The following EXOC4 variants were observed in gnomAD, a reference collection of about 807,000 sequenced individuals.
EXOC4 encodes SEC8-like 1.
EXOC4 carries 71 observed loss-of-function variants against 107.2 expected under a neutral mutation model. The ratio of observed to expected loss-of-function variants is 0.66; its 90% CI spans 0.55 to 0.81. The LOEUF (loss-of-function observed/expected upper bound fraction) is 0.81. Among genes scored for constraint, EXOC4 ranks in the 30% least tolerant of loss-of-function variants. The pLI is 0.00. For synonymous variants in EXOC4, 456 were observed against 441.2 expected (o/e 1.03, Z -0.42); for missense variants, 1,108 against 1,189.6 (o/e 0.93, Z 1.01).
chr7:133,253,214 G>A, intron 1 of EXOC4, 27 bp downstream of exon 1: 1 of 1,608,300 alleles, frequency 6.2e-7, no homozygotes, highest in South Asian at 1.1e-5. Flanking sequence ...GCAGGGTCTG[G>A]GGACTGGGGG....
chr7:133,986,712 G>T (rs1252857990), intron 14 of EXOC4, among the ~76,000 whole-genome samples: 1 of 152,294 alleles, frequency 6.6e-6, no homozygotes, highest in South Asian at 2.1e-4. Context: ...AAGCACTGGG[G>T]TAAGGAAAGA....
chr7:133,801,179 G>C (rs1796933762), intron 10 of EXOC4, among the ~76,000 whole-genome samples: 1 of 152,012 alleles, frequency 6.6e-6, no homozygotes, highest in South Asian at 2.1e-4. Flanking sequence ...GTAGTCTAAG[G>C]GTAGGCAAAA....
chr7:133,802,830 G>A (rs1340292669), intron 10 of EXOC4, among the ~76,000 whole-genome samples: 1 of 128,528 alleles, frequency 7.8e-6, no homozygotes, highest in Non-Finnish European at 1.6e-5. Flanking sequence ...CCTGGGCGAC[G>A]AGCGAAACTC....
rs35334259 is a variant in EXOC4 at position 133,412,278 on chromosome 7, G to GTTTTTTTTTTTTTTTTTTTTTTTT, written c.1182+37299_1182+37300insTTTTTTTTTTTTTTTTTTTTTTTT. 1.4e-4 allele frequency among the ~76,000 whole-genome samples: 10 copies of GTTTTTTTTTTTTTTTTTTTTTTTT among 71,482 alleles called. 1 individual carries two copies. Among genetic ancestry groups the GTTTTTTTTTTTTTTTTTTTTTTTT allele is most frequent in the Non-Finnish European group, 1.7e-4 (7 of 41,024 alleles). The allele number at this position is 71,482 out of a possible 152,430, so 46.9% of individuals were successfully genotyped here. A position where few individuals can be genotyped will look rare whatever the true frequency, so the allele number is the denominator to read the frequency against. On this transcript the variant is annotated intron_variant, in intron 7 of 17. Transcript: ENST00000253861. ...ATCTGGTCAATACTGTCAGAATTCA[G>GTTTTTTTTTTTTTTTTTTTTTTTT]TTTTTTTTTTTTTTTTTTTTTTTGC...
At chr7:133,395,613 T>C (rs930696198) in intron 7 of EXOC4, among the ~76,000 whole-genome samples, 6 of 152,162 alleles carry the variant, frequency 3.9e-5, no homozygotes, top group Admixed American at 3.3e-4. Context: ...AGGCCCTATG[T>C]GATTCTGGAG....
intron 11 of EXOC4, among the ~76,000 whole-genome samples, chr7:133,876,062 A>G (rs777466434): frequency 2.6e-5 from 4 of 152,212 alleles, no homozygotes; most frequent in Admixed American, 6.5e-5. Flanking sequence ...ATTCACAGAT[A>G]GGTAGGTAGG....
chr7:134,057,856 A>G (rs1037468686), intron 17 of EXOC4, among the ~76,000 whole-genome samples: 1 of 152,234 alleles, frequency 6.6e-6, no homozygotes, highest in Non-Finnish European at 1.5e-5. Context: ...TGTTTTGGAC[A>G]TGAGAAATAG....
At chr7:133,569,414 A>G (rs968799920) in intron 9 of EXOC4, among the ~76,000 whole-genome samples, 1 of 152,326 alleles carries the variant, frequency 6.6e-6, no homozygotes, top group Admixed American at 6.5e-5. Flanking sequence ...GTAAGATAAA[A>G]TGTGTAAGTT....
chr7:133,921,857 T>G (rs532244550), intron 13 of EXOC4, among the ~76,000 whole-genome samples: 13 of 152,298 alleles, frequency 8.5e-5, no homozygotes, highest in African/African-American at 2.9e-4. Context: ...TTATAGTTCT[T>G]GGATTGTATG....
the EXOC4 span, among the ~76,000 whole-genome samples, chr7:134,094,422 A>G: frequency 6.6e-6 from 1 of 152,178 alleles, no homozygotes; most frequent in African/African-American, 2.4e-5. Context: ...CAGTAATTTA[A>G]AAACCTACAA....
intron 10 of EXOC4, among the ~76,000 whole-genome samples, chr7:133,675,661 C>T (rs1173232806): frequency 6.6e-6 from 1 of 152,126 alleles, no homozygotes; most frequent in East Asian, 1.9e-4. Flanking sequence ...TGATTTAGAG[C>T]AGACTACATA....
chr7:133,768,108 C>T (rs1366965791), intron 10 of EXOC4: 1 of 151,898 alleles, frequency 6.6e-6, no homozygotes, highest in Non-Finnish European at 1.5e-5. Context: ...ACAAAAACCT[C>T]TGCAAGACTA....
At chr7:133,427,732 G>A (rs1487101442) in intron 7 of EXOC4, among the ~76,000 whole-genome samples, 1 of 152,196 alleles carries the variant, frequency 6.6e-6, no homozygotes, top group Non-Finnish European at 1.5e-5. Context: ...TGCCGTGGTA[G>A]AGATGAGGCT....
At chr7:133,797,747 A>G (rs1796847517) in intron 10 of EXOC4, among the ~76,000 whole-genome samples, 1 of 152,178 alleles carries the variant, frequency 6.6e-6, no homozygotes, top group South Asian at 2.1e-4. Flanking sequence ...CCTGGAGTTT[A>G]TGCAAAGAGC....
At chr7:133,326,620 T>C (rs1795248653) in intron 5 of EXOC4, among the ~76,000 whole-genome samples, 1 of 152,196 alleles carries the variant, frequency 6.6e-6, no homozygotes, top group Admixed American at 6.5e-5. Context: ...CTGCCCCTAC[T>C]GGATGGTGCC....
At position 133,783,300 on chromosome 7, in the gene EXOC4, G is replaced by A. The variant is rs562505315; in HGVS notation, c.1515-34025G>A. Among the ~76,000 whole-genome samples the A allele has an allele frequency of 3.2e-3, 485 of 152,230 alleles. 2 individuals carry two copies. Among genetic ancestry groups the A allele is most frequent in the Non-Finnish European group, 5.4e-3 (366 of 68,022 alleles). On this transcript the variant is annotated intron_variant, in intron 10 of 17. Coordinates refer to ENST00000253861, the MANE Select transcript of EXOC4 (RefSeq NM_021807.4). Reference sequence around the variant, plus strand: ...TTTCATTGTTGCCCGTGTTGCCAAGGCCAGCTGTAGTTGGACATGTCCTGG... The same window carrying A: ...TTTCATTGTTGCCCGTGTTGCCAAGACCAGCTGTAGTTGGACATGTCCTGG...
At chr7:134,098,175 G>A in the EXOC4 span, among the ~76,000 whole-genome samples, 30 of 152,288 alleles carry the variant, frequency 2.0e-4, no homozygotes, top group Admixed American at 1.2e-3. Flanking sequence ...CAGCTGAAGG[G>A]TGATCAGTCT....
At chr7:134,003,231 G>A (rs934358556) in intron 15 of EXOC4, among the ~76,000 whole-genome samples, 1 of 152,170 alleles carries the variant, frequency 6.6e-6, no homozygotes, top group African/African-American at 2.4e-5. Flanking sequence ...CATTTATATG[G>A]CATCCTGGAA....
intron 7 of EXOC4, among the ~76,000 whole-genome samples, chr7:133,467,584 CTTTTT>C (rs35955637): frequency 9.0e-5 from 11 of 122,660 alleles, no homozygotes; most frequent in Non-Finnish European, 1.7e-5. Flanking sequence ...ATTACAGATT[CTTTTT>C]TTTTTTTTTT....
Sources: allele counts gnomAD v4.1 joint callset (sites outside exome capture counted in the v4.1 genomes callset), GRCh38; gene constraint gnomAD v4.1.1; transcripts MANE v1.5; gene names NCBI Gene and HGNC (gene_info 2026-07-23, HGNC 2026-07-21).